GLI2: variants seen among roughly 807,000 people sequenced by gnomAD.
The protein encoded by GLI2 is transcription activator GLI2.
GLI2 carries 22 observed loss-of-function variants against 78.9 expected under a neutral mutation model. That is an observed-to-expected ratio of 0.28 (90% CI 0.20 to 0.40). GLI2 has a LOEUF of 0.40. Among genes scored for constraint, GLI2 ranks in the 10% least tolerant of loss-of-function variants. GLI2 has a pLI of 1.00. For missense variants in GLI2, 2,097 were observed against 2,213.2 expected, an observed-to-expected ratio of 0.95 and a Z score of 1.05; for synonymous variants, 974 against 963.7, an observed-to-expected ratio of 1.01 and a Z score of -0.20.
chr2:120,970,724 T>A (rs771639432), intron 7 of GLI2, 118 bp downstream of exon 7: 2 of 865,144 alleles, frequency 2.3e-6, no homozygotes, highest in Non-Finnish European at 3.7e-6. Context: ...GTCTGGCCGC[T>A]AGGGTGCCTT....
At chr2:120,855,846 G>A (rs1281969477) in intron 2 of GLI2, among the ~76,000 whole-genome samples, 1 of 152,156 alleles carries the variant, frequency 6.6e-6, no homozygotes, top group Non-Finnish European at 1.5e-5. Context: ...TCTGACCCTG[G>A]GCCTCTGCTC....
Position 120,976,816 on chromosome 2 carries a change from CTCTG to C in GLI2, c.1318-1606_1318-1603del, listed in dbSNP as rs1230344376. On this transcript the variant is annotated intron_variant, in intron 9 of 13. Transcript: ENST00000361492. ...GGAAAAAGCAGACCCCTTCACCCAG[CTCTG>C]TCTGTCTGTCTCTCTCTGTTTCTCT... Among the ~76,000 whole-genome samples the C allele has an allele frequency of 6.6e-5, 10 of 152,342 alleles. No individual in the cohort carries two copies. In the East Asian group the frequency reaches 1.9e-3, roughly 29 times the overall value.
At chr2:120,943,021 A>G (rs555568897) in intron 3 of GLI2, among the ~76,000 whole-genome samples, 43 of 152,350 alleles carry the variant, frequency 2.8e-4, no homozygotes, top group Admixed American at 1.9e-3. Context: ...GTATTTGAGC[A>G]TGCTGTATGT....
chr2:120,875,548 T>G (rs1025181795), intron 2 of GLI2, among the ~76,000 whole-genome samples: 2 of 152,240 alleles, frequency 1.3e-5, no homozygotes, highest in African/African-American at 4.8e-5. Context: ...GACCCCGCCC[T>G]GTGCCGAGTG....
chr2:120,837,260 G>A (rs1298650272), intron 2 of GLI2, among the ~76,000 whole-genome samples: 1 of 152,012 alleles, frequency 6.6e-6, no homozygotes, highest in Non-Finnish European at 1.5e-5. Flanking sequence ...CGGGTGTGGT[G>A]GCGGGCGCCT....
At position 120,988,957 on chromosome 2, in the gene GLI2, A is replaced by G; in HGVS notation, c.2992A>G (p.Thr998Ala). The change falls in exon 14 of 14, where the codon ACC (threonine) becomes GCC (alanine). Residue 998 changes from threonine to alanine, a missense_variant. Coordinates refer to ENST00000361492, the MANE Select transcript of GLI2 (RefSeq NM_001374353.1). ...RGLRLQSHPS[T>A]DGGLARGAYS... ...CCTCCGCCTGCAGAGCCACCCGAGC[A>G]CCGACGGCGGCCTGGCCCGCGGCGC... 1.9e-6 allele frequency: 3 copies of G among 1,541,946 alleles called. No individual in the cohort carries two copies. Among genetic ancestry groups the G allele is most frequent in the South Asian group, 1.2e-5 (1 of 85,480 alleles).
chr2:120,910,370 C>T (rs180708201), intron 2 of GLI2, among the ~76,000 whole-genome samples: 1 of 152,326 alleles, frequency 6.6e-6, no homozygotes, highest in East Asian at 1.9e-4. Flanking sequence ...CAGGGAGTCA[C>T]AGACATCCAT....
At chr2:120,970,778 G>A (rs1409451446) in intron 7 of GLI2, among the ~76,000 whole-genome samples, 172 bp downstream of exon 7, 1 of 152,210 alleles carries the variant, frequency 6.6e-6, no homozygotes, top group Non-Finnish European at 1.5e-5. Flanking sequence ...CCTGGGCTCA[G>A]TCCATGGGAA....
chr2:120,747,894 T>C (rs1188734732), intron 1 of GLI2, among the ~76,000 whole-genome samples: 1 of 152,208 alleles, frequency 6.6e-6, no homozygotes, highest in Non-Finnish European at 1.5e-5. Flanking sequence ...TTTGAAACAG[T>C]GTGGCAGGTG....
rs777077274 is a variant in GLI2, at chr2:120,988,610, G to A, written c.2645G>A (p.Gly882Asp). ...LRAKYAAATG[G>D]PPPTPLPGLE... ...GCCAAGTACGCGGCAGCCACTGGCG[G>A]CCCCCCGCCCACTCCGCTGCCGGGC... Residue 882 changes from glycine to aspartate, a missense_variant, in exon 14 of 14, where the codon GGC becomes GAC. Around this residue, in one of 5 missense-constraint regions of GLI2, gnomAD observed 1,290 missense variants for 1,261.7 expected, o/e 1.02. Coordinates refer to ENST00000361492, the MANE Select transcript of GLI2 (RefSeq NM_001374353.1). 3 of 1,469,352 alleles carry A rather than the reference G, an allele frequency of 2.0e-6. No individual in the cohort carries two copies. In the South Asian group the frequency reaches 3.8e-5, roughly 19 times the overall value. 91.0% of individuals were successfully genotyped at this position (1,469,352 alleles called of 1,614,324 possible).
At chr2:120,960,224 G>A (rs545358273) in intron 5 of GLI2, among the ~76,000 whole-genome samples, 7 of 152,338 alleles carry the variant, frequency 4.6e-5, no homozygotes, top group African/African-American at 7.2e-5. Context: ...GCGGGACCAA[G>A]AATGCCTGTC....
At chr2:120,803,564 G>C (rs1002531506) in intron 2 of GLI2, among the ~76,000 whole-genome samples, 1 of 152,216 alleles carries the variant, frequency 6.6e-6, no homozygotes, top group African/African-American at 2.4e-5. Context: ...CTACTTGAGA[G>C]TGGTGGGTGC....
At chr2:120,823,276 CA>C (rs1685874142) in intron 2 of GLI2, among the ~76,000 whole-genome samples, 1 of 152,142 alleles carries the variant, frequency 6.6e-6, no homozygotes, top group Non-Finnish European at 1.5e-5. Flanking sequence ...GATATAATTA[CA>C]TTATAATTTA....
chr2:120,986,097 TTGACC>T (rs1682956861), intron 12 of GLI2, among the ~76,000 whole-genome samples, 176 bp from the exon 13 acceptor site: 1 of 152,248 alleles, frequency 6.6e-6, no homozygotes, highest in Admixed American at 6.5e-5. Context: ...GTGAAGTGAC[TTGACC>T]GTTTTAAGCA....
chr2:120,937,495 G>C (rs1680253049), intron 3 of GLI2, among the ~76,000 whole-genome samples: 1 of 152,162 alleles, frequency 6.6e-6, no homozygotes, highest in African/African-American at 2.4e-5. Flanking sequence ...GCTGGAAGAG[G>C]GGGTATGGGA....
intron 3 of GLI2, among the ~76,000 whole-genome samples, chr2:120,936,696 T>C (rs1680215779): frequency 6.6e-6 from 1 of 152,076 alleles, no homozygotes; most frequent in South Asian, 2.1e-4. Flanking sequence ...CAGGCATTGG[T>C]GGGGTGGATT....
At chr2:120,849,920 C>CA (rs1384109543) in intron 2 of GLI2, among the ~76,000 whole-genome samples, 1 of 151,550 alleles carries the variant, frequency 6.6e-6, no homozygotes, top group African/African-American at 2.4e-5. Context: ...ATTTGGAGAA[C>CA]AAAAAAGAGC....
At chr2:120,752,302 T>C (rs1682901991) in intron 1 of GLI2, among the ~76,000 whole-genome samples, 1 of 149,754 alleles carries the variant, frequency 6.7e-6, no homozygotes, top group Non-Finnish European at 1.5e-5. Flanking sequence ...ACGGAGTCTC[T>C]GTCTGTTGCC....
chr2:120,824,730 G>A (rs974793876), intron 2 of GLI2, among the ~76,000 whole-genome samples: 4 of 152,204 alleles, frequency 2.6e-5, no homozygotes, highest in African/African-American at 9.7e-5. Flanking sequence ...TTGAGATAAG[G>A]TGTCCCACAG....
Sources: allele counts gnomAD v4.1 joint callset (sites outside exome capture counted in the v4.1 genomes callset), GRCh38; gene constraint gnomAD v4.1.1; regional missense constraint gnomAD v4.1.1; transcripts MANE v1.5; gene names NCBI Gene and HGNC (gene_info 2026-07-23, HGNC 2026-07-21).